Variants in C8orf34 observed in about 807,000 individuals in gnomAD.
C8orf34 encodes chromosome 8 open reading frame 34, also known as uncharacterized protein C8orf34.
C8orf34 carries 65 observed loss-of-function variants against 68.3 expected under a neutral mutation model. That is an observed-to-expected ratio of 0.95 (90% CI 0.78 to 1.17). The LOEUF (loss-of-function observed/expected upper bound fraction) is 1.17. Among genes scored for constraint, C8orf34 ranks in the 50% most tolerant of loss-of-function variants. C8orf34 has a pLI of 0.00. For missense variants in C8orf34, 664 were observed against 655.4 expected (o/e 1.01, Z -0.14); for synonymous variants, 244 against 241.2 (o/e 1.01, Z -0.11).
At chr8:68,671,344 G>A (rs1004657155) in intron 8 of C8orf34, among the ~76,000 whole-genome samples, 2 of 152,190 alleles carry the variant, frequency 1.3e-5, no homozygotes, top group Admixed American at 6.5e-5. Context: ...ACGATCATGT[G>A]ATTTTAGTGC....
chr8:68,653,596 G>A (rs1401294358), intron 8 of C8orf34, among the ~76,000 whole-genome samples: 3 of 152,142 alleles, frequency 2.0e-5, no homozygotes, highest in South Asian at 4.1e-4. Context: ...GCTCTGGTGA[G>A]GACTTTCTTC....
At chr8:68,757,494 A>T (rs1175399546) in intron 10 of C8orf34, among the ~76,000 whole-genome samples, 1 of 151,998 alleles carries the variant, frequency 6.6e-6, no homozygotes, top group Non-Finnish European at 1.5e-5. Context: ...GCCGGGTATG[A>T]TGGCGGGCGC....
intron 7 of C8orf34, among the ~76,000 whole-genome samples, chr8:68,555,330 A>G (rs1180360768): frequency 6.6e-6 from 1 of 152,168 alleles, no homozygotes; most frequent in Non-Finnish European, 1.5e-5. Context: ...AAATATATGT[A>G]GAATAGTGCT....
chr8:68,804,964 T>C lies in C8orf34; in HGVS notation c.1550-10922T>C, dbSNP rs143103329. ...TAAGGAGAGGGTTTGGGAATTCTGTTGATATAGACCACAAACGTCAGTCCC... is the reference window on the plus strand; with the variant it reads ...TAAGGAGAGGGTTTGGGAATTCTGTCGATATAGACCACAAACGTCAGTCCC... On this transcript the variant is annotated intron_variant, in intron 12 of 13. Coordinates refer to ENST00000518698, the MANE Select transcript of C8orf34 (RefSeq NM_052958.4). Among the ~76,000 whole-genome samples, 334 of 152,300 alleles carry C rather than the reference T, an allele frequency of 2.2e-3. 3 individuals carry two copies. The highest frequency in any genetic ancestry group is 7.8e-3 in the African/African-American group (326 of 41,560).
At chr8:68,491,221 CAG>C (rs1159095987) in intron 5 of C8orf34, among the ~76,000 whole-genome samples, 15 of 151,312 alleles carry the variant, frequency 9.9e-5, no homozygotes, top group East Asian at 3.9e-4. Flanking sequence ...TAAAATGAAA[CAG>C]AGGTTATTAT....
At chr8:68,640,281 T>A (rs1818965849) in intron 7 of C8orf34, 95 bp from the exon 8 acceptor site, 1 of 1,178,626 alleles carries the variant, frequency 8.5e-7, no homozygotes, top group Admixed American at 2.3e-5. Context: ...TTGTTTTGCT[T>A]AACAAACTAA....
At chr8:68,769,906 AG>A (rs1458733562) in intron 10 of C8orf34, among the ~76,000 whole-genome samples, 2 of 152,194 alleles carry the variant, frequency 1.3e-5, no homozygotes, top group Non-Finnish European at 2.9e-5. Flanking sequence ...TGGTAAGGAT[AG>A]GCGTAGTCTC....
At chr8:68,346,267 C>CT (rs76583643) in intron 1 of C8orf34, among the ~76,000 whole-genome samples, 2,212 of 133,426 alleles carry the variant, frequency 0.017, 48 homozygotes, top group South Asian at 0.1. Flanking sequence ...ATCTCCCTAC[C>CT]TTTTTTTTTT....
intron 7 of C8orf34, among the ~76,000 whole-genome samples, chr8:68,597,876 G>A (rs992722877): frequency 1.3e-5 from 2 of 152,032 alleles, no homozygotes; most frequent in Non-Finnish European, 2.9e-5. Flanking sequence ...TGAAGGTGGT[G>A]AATAGTTTAT....
intron 1 of C8orf34, among the ~76,000 whole-genome samples, chr8:68,334,052 G>C (rs1381139490): frequency 6.6e-6 from 1 of 152,090 alleles, no homozygotes; most frequent in East Asian, 1.9e-4. Flanking sequence ...GAGAATACTT[G>C]ATCCTCTTTT....
intron 4 of C8orf34, among the ~76,000 whole-genome samples, chr8:68,470,155 G>A (rs1812321956): frequency 6.6e-6 from 1 of 151,958 alleles, no homozygotes; most frequent in African/African-American, 2.4e-5. Flanking sequence ...AGTAAAGTGA[G>A]TTTTTGGCTT....
intron 7 of C8orf34, among the ~76,000 whole-genome samples, chr8:68,606,931 G>A (rs1168473686): frequency 6.6e-6 from 1 of 152,080 alleles, no homozygotes; most frequent in African/African-American, 2.4e-5. Context: ...ATCTCCATGT[G>A]TCTATCCTCA....
chr8:68,616,233 A>G (rs1818208582), intron 7 of C8orf34, among the ~76,000 whole-genome samples: 1 of 151,930 alleles, frequency 6.6e-6, no homozygotes. Context: ...GATCCTTTCA[A>G]AAAACCAACT....
chr8:68,788,886 A>G (rs897362906), intron 12 of C8orf34, among the ~76,000 whole-genome samples: 7 of 152,098 alleles, frequency 4.6e-5, no homozygotes, highest in Non-Finnish European at 7.4e-5. Flanking sequence ...ACTGATAAAG[A>G]TGGAGAAAGT....
chr8:68,652,831 G>A (rs1819402532), intron 8 of C8orf34, among the ~76,000 whole-genome samples: 1 of 152,126 alleles, frequency 6.6e-6, no homozygotes, highest in African/African-American at 2.4e-5. Context: ...AAAATGTACA[G>A]TAGAGAATAA....
intron 1 of C8orf34, among the ~76,000 whole-genome samples, chr8:68,420,265 C>T (rs1809903421): frequency 6.6e-6 from 1 of 151,644 alleles, no homozygotes; most frequent in Admixed American, 6.6e-5. Context: ...CTGCCCTGCT[C>T]TTTGGACTGG....
intron 7 of C8orf34, among the ~76,000 whole-genome samples, chr8:68,593,339 G>C (rs1263794882): frequency 6.6e-6 from 1 of 151,988 alleles, no homozygotes; most frequent in Admixed American, 6.6e-5. Context: ...TTGTACATTT[G>C]ACACTGTTTT....
intron 10 of C8orf34, among the ~76,000 whole-genome samples, chr8:68,733,625 A>G (rs1476468014): frequency 1.3e-5 from 2 of 152,166 alleles, no homozygotes; most frequent in Non-Finnish European, 2.9e-5. Context: ...AAAGCTTGGG[A>G]GACCTTTTCC....
chr8:68,629,865 A>T (rs1818640073), intron 7 of C8orf34, among the ~76,000 whole-genome samples: 1 of 152,028 alleles, frequency 6.6e-6, no homozygotes, highest in Non-Finnish European at 1.5e-5. Context: ...GTATGTGTGT[A>T]TGTGTGTACA....
Sources: gnomAD v4.1 joint callset for allele counts (sites outside exome capture counted in the v4.1 genomes callset) on GRCh38, gnomAD v4.1.1 for gene constraint, MANE v1.5 for transcripts, NCBI Gene and HGNC (gene_info 2026-07-23, HGNC 2026-07-21) for gene names.